Variants in ZNF283 observed in about 807,000 individuals in gnomAD.
ZNF283 encodes zinc finger protein 41.
ZNF283 carries 10 observed loss-of-function variants against 9.2 expected under a neutral mutation model. The ratio of observed to expected loss-of-function variants is 1.09; its 90% CI spans 0.67 to 1.85. The LOEUF (loss-of-function observed/expected upper bound fraction) is 1.85, where lower values mean the gene tolerates loss of function less well. Among genes scored for constraint, ZNF283 ranks in the 40% most tolerant of loss-of-function variants. The pLI, the probability that ZNF283 is intolerant of heterozygous loss-of-function variation, is 0.00. For missense variants in ZNF283, 631 were observed against 760.1 expected (o/e 0.83, Z 2.00); for synonymous variants, 234 against 244.1 (o/e 0.96, Z 0.38).
At position 43,847,932 on chromosome 19, in the gene ZNF283, A is replaced by G. The variant is rs1041164340; in HGVS notation, c.1331A>G (p.Tyr444Cys). The G allele has an allele frequency of 6.2e-7, 1 of 1,613,692 alleles. No individual in the cohort carries two copies. Among genetic ancestry groups the G allele is most frequent in the East Asian group, 2.2e-5 (1 of 44,814 alleles). The change falls in exon 7 of 7, where the codon TAT (tyrosine) becomes TGT (cysteine). Residue 444 changes from tyrosine to cysteine, a missense_variant. By Grantham distance (194) the Tyr-to-Cys change is radical. Coordinates refer to ENST00000618787, the MANE Select transcript of ZNF283 (RefSeq NM_181845.2). ...KECGKAFSRG[Y>C]HLSQHQKIHT... Reference sequence around the variant, plus strand: ...TGTGGAAAGGCCTTTAGTCGTGGCTATCACCTTTCTCAACATCAGAAAATC... The same window carrying G: ...TGTGGAAAGGCCTTTAGTCGTGGCTGTCACCTTTCTCAACATCAGAAAATC...
chr19:43,839,330 T>C (rs570872507), intron 6 of ZNF283, among the ~76,000 whole-genome samples: 1 of 152,260 alleles, frequency 6.6e-6, no homozygotes, highest in East Asian at 1.9e-4. Context: ...TTGTTGCAGA[T>C]TCTTGTATGT....
chr19:43,849,459 G>T lies in ZNF283; in HGVS notation c.*818G>T, dbSNP rs1488141352. ...CACTTGCACCTCTCTGATTAGAATA[G>T]CAGAATATTCATACTATAGCAAGAT... is the stretch of plus-strand genomic sequence containing the variant. On this transcript the variant is annotated 3_prime_UTR_variant, in exon 7 of 7. Coordinates refer to ENST00000618787, the MANE Select transcript of ZNF283 (RefSeq NM_181845.2). The T allele has an allele frequency of 6.6e-6, 1 of 152,150 alleles. No individual in the cohort carries two copies. Among genetic ancestry groups the T allele is most frequent in the South Asian group, 2.1e-4 (1 of 4,828 alleles). 9.4% of individuals were successfully genotyped at this position (152,150 alleles called of 1,614,324 possible). A position where few individuals can be genotyped will look rare whatever the true frequency, so the allele number is the denominator to read the frequency against.
At chr19:43,839,980 G>A (rs1043802846) in intron 6 of ZNF283, among the ~76,000 whole-genome samples, 1 of 151,794 alleles carries the variant, frequency 6.6e-6, no homozygotes, top group South Asian at 2.1e-4. Flanking sequence ...TGTATGCTTT[G>A]TAATTTTTTT....
chr19:43,838,385 G>A (rs1266865599), intron 6 of ZNF283, among the ~76,000 whole-genome samples: 1 of 152,202 alleles, frequency 6.6e-6, no homozygotes, highest in African/African-American at 2.4e-5. Context: ...CAGCACTTTG[G>A]GAAGCTGAGA....
At chr19:43,827,509 A>G (rs1183616391) in intron 1 of ZNF283, 65 bp downstream of exon 1, 2 of 148,972 alleles carry the variant, frequency 1.3e-5, no homozygotes, top group African/African-American at 5.0e-5. Context: ...GGCTGGCTTT[A>G]CTGGGGCCCG....
rs143650831 is a variant in ZNF283, at chr19:43,827,433, G to A, written c.-156G>A. The stretch of plus-strand genomic sequence containing the variant: ...CTTTTCCGGTGTCCTTAAGGTTCTT[G>A]GACTCTGCATGGTGAGTTGGTCGTG... On this transcript the variant is annotated 5_prime_UTR_variant, in exon 1 of 7. Transcript: ENST00000618787. 2,675 of 152,406 alleles carry A rather than the reference G, an allele frequency of 0.018. 30 individuals are homozygous for A. The highest frequency in any genetic ancestry group is 0.028 in the Non-Finnish European group (1,885 of 68,140). The allele number at this position is 152,406 out of a possible 1,614,324, so 9.4% of individuals were successfully genotyped here. A position where few individuals can be genotyped will look rare whatever the true frequency, so the allele number is the denominator to read the frequency against.
intron 6 of ZNF283, among the ~76,000 whole-genome samples, chr19:43,840,198 G>C (rs879803252): frequency 6.6e-6 from 1 of 152,102 alleles, no homozygotes; most frequent in Non-Finnish European, 1.5e-5. Context: ...ACCAGACAAA[G>C]ATTTACTTAA....
Position 43,848,160 on chromosome 19 carries a change from G to A in ZNF283, c.1559G>A (p.Cys520Tyr), listed in dbSNP as rs1417728855. 1 of 1,614,084 alleles carries A rather than the reference G, an allele frequency of 6.2e-7. No individual in the cohort carries two copies. The highest frequency in any genetic ancestry group is 8.5e-7 in the Non-Finnish European group (1 of 1,179,974). ...TGEKPYECKECGKAFNCGSSL... is the reference protein window; with the variant it reads ...TGEKPYECKEYGKAFNCGSSL... Reference sequence around the variant, plus strand: ...GAGAAACCCTATGAATGTAAGGAATGTGGGAAGGCTTTTAATTGTGGATCA... The same window carrying A: ...GAGAAACCCTATGAATGTAAGGAATATGGGAAGGCTTTTAATTGTGGATCA... The change falls in exon 7 of 7, where the codon TGT (cysteine) becomes TAT (tyrosine). Residue 520 changes from cysteine (C) to tyrosine (Y), a missense_variant. By Grantham distance (194) the Cys-to-Tyr change is radical. Coordinates refer to ENST00000618787, the MANE Select transcript of ZNF283 (RefSeq NM_181845.2).
chr19:43,837,161 A>C lies in ZNF283; in HGVS notation c.319A>C (p.Ser107Arg). The C allele has an allele frequency of 6.2e-7, 1 of 1,610,664 alleles. No individual in the cohort carries two copies. ...CGTGGATGTAATGTTGGAGAACTAT[A>C]GTAACTTGGTGTCACTGGGTAAGGT... ...LYVDVMLENY[S>R]NLVSLDLESK... Residue 107 changes from serine (S) to arginine (R), a missense_variant, in exon 6 of 7, where the codon AGT becomes CGT. By Grantham distance (110) the Ser-to-Arg change is moderately radical (BLOSUM62 -1). Transcript: ENST00000618787.
At chr19:43,830,078 TTTTG>T (rs537254352) in intron 2 of ZNF283, among the ~76,000 whole-genome samples, 14 of 152,166 alleles carry the variant, frequency 9.2e-5, no homozygotes, top group Admixed American at 2.6e-4. Context: ...GGAACACTTT[TTTTG>T]TTTGTTTGTT....
In ZNF283 at chr19:43,837,034, C is replaced by G; in HGVS notation, c.211-19C>G. On this transcript the variant is annotated intron_variant, in intron 5 of 6. Transcript: ENST00000618787. ...GTTTTCTTTAATTTCACAAGTAATA[C>G]ATGGGTTTTTGGTTTTAGGGGTTGG... 1 of 1,613,210 alleles carries G rather than the reference C, an allele frequency of 6.2e-7. No individual in the cohort carries two copies. Among genetic ancestry groups the G allele is most frequent in the Non-Finnish European group, 8.5e-7 (1 of 1,179,746 alleles).
chr19:43,844,086 CTTTTG>C (rs1971317106), intron 6 of ZNF283, among the ~76,000 whole-genome samples: 1 of 152,118 alleles, frequency 6.6e-6, no homozygotes, highest in African/African-American at 2.4e-5. Context: ...TTTAAAACAT[CTTTTG>C]TTTTGTTTTA....
rs765688886 is a variant in ZNF283 at position 43,847,345 on chromosome 19, T to G, written c.744T>G (p.Tyr248Ter). 6.8e-6 allele frequency: 11 copies of G among 1,613,876 alleles called. No individual in the cohort carries two copies. The highest frequency in any genetic ancestry group is 4.4e-5 in the South Asian group (4 of 91,058). ...GTGGGAAGAATTATTTAAGTGCCTA[T>G]CAACTCAATGTGCATCAGAGATTTC... ...KECGKNYLSAYQLNVHQRFHT... is the reference protein window; with the variant it reads ...KECGKNYLSA Residue 248 changes from tyrosine (Y) to a stop codon, truncating the protein, a stop_gained, in exon 7 of 7, where the codon TAT becomes TAG. Coordinates refer to ENST00000618787, the MANE Select transcript of ZNF283 (RefSeq NM_181845.2). LOFTEE classifies it low-confidence loss of function (END_TRUNC).
chr19:43,839,389 G>A (rs1971109755), intron 6 of ZNF283, among the ~76,000 whole-genome samples: 1 of 151,572 alleles, frequency 6.6e-6, no homozygotes, highest in South Asian at 2.1e-4. Flanking sequence ...TTGTCTTTGG[G>A]TTTCCATAAT....
chr19:43,840,046 TC>T (rs1971137030), intron 6 of ZNF283, among the ~76,000 whole-genome samples: 1 of 152,192 alleles, frequency 6.6e-6, no homozygotes, highest in African/African-American at 2.4e-5. Context: ...GATTCAATTT[TC>T]CCATTCCTCA....
In ZNF283 at chr19:43,848,848, A is replaced by G; in HGVS notation, c.*207A>G. 2.2e-6 allele frequency: 1 copy of G among 446,482 alleles called. No homozygotes were observed. The highest frequency in any genetic ancestry group is 3.9e-6 in the Non-Finnish European group (1 of 255,516). The allele number at this position is 446,482 out of a possible 1,614,324, so 27.7% of individuals were successfully genotyped here. Reference sequence around the variant, plus strand: ...TATGAAAAGGCCTTTAGACTTCTGTACAGTCTTATTGGATATCAATTTATA... The same window carrying G: ...TATGAAAAGGCCTTTAGACTTCTGTGCAGTCTTATTGGATATCAATTTATA... On this transcript the variant is annotated 3_prime_UTR_variant, in exon 7 of 7. Transcript: ENST00000618787.
chr19:43,830,925 AAAATT>A (rs1422050334), intron 2 of ZNF283, among the ~76,000 whole-genome samples: 11 of 140,916 alleles, frequency 7.8e-5, no homozygotes, highest in African/African-American at 2.4e-4. Context: ...AAAAAAAAAA[AAAATT>A]AGTGTCCAAT....
chr19:43,848,349 G>C lies in ZNF283; in HGVS notation c.1748G>C (p.Gly583Ala), dbSNP rs1157878391. Residue 583 changes from glycine to alanine, a missense_variant, in exon 7 of 7, where the codon GGT becomes GCT. Gly to Ala is a moderately conservative substitution (Grantham distance 60). This residue lies in a region of ZNF283 where 444 missense variants were observed against 522.5 expected (regional missense o/e 0.85). Transcript: ENST00000618787. ...CKECGKAFSW[G>A]SSLVKHERVH... Reference sequence around the variant, plus strand: ...GAATGTGGGAAGGCCTTCAGTTGGGGTTCAAGCCTAGTTAAGCATGAGAGA... The same window carrying C: ...GAATGTGGGAAGGCCTTCAGTTGGGCTTCAAGCCTAGTTAAGCATGAGAGA... 6.2e-7 allele frequency: 1 copy of C among 1,613,766 alleles called. No homozygotes were observed. The highest frequency in any genetic ancestry group is 8.5e-7 in the Non-Finnish European group (1 of 1,179,864).
In ZNF283 at chr19:43,851,087, G is replaced by A. The variant is rs1317297440; in HGVS notation, c.*2446G>A. The stretch of plus-strand genomic sequence containing the variant: ...TTCTACATGATTGCACTTTTTCAAA[G>A]GCATAAAAAGCCAACAGTTGCACTC... On this transcript the variant is annotated 3_prime_UTR_variant, in exon 7 of 7. Coordinates refer to ENST00000618787, the MANE Select transcript of ZNF283 (RefSeq NM_181845.2). 3 of 152,050 alleles carry A rather than the reference G, an allele frequency of 2.0e-5. No homozygotes were observed. Among genetic ancestry groups the A allele is most frequent in the Admixed American group, 6.6e-5 (1 of 15,246 alleles). 9.4% of individuals were successfully genotyped at this position (152,050 alleles called of 1,614,324 possible).
Sources: allele counts gnomAD v4.1 joint callset (sites outside exome capture counted in the v4.1 genomes callset), GRCh38; gene constraint gnomAD v4.1.1; regional missense constraint gnomAD v4.1.1; transcripts MANE v1.5; gene names NCBI Gene and HGNC (gene_info 2026-07-23, HGNC 2026-07-21).